Variants in ATP6V1C2 observed in about 807,000 individuals in gnomAD.
ATP6V1C2 encodes V-type proton ATPase subunit C 2.
Under a neutral mutation model 56.8 loss-of-function variants are expected in ATP6V1C2, and 45 were observed. The ratio of observed to expected loss-of-function variants is 0.79; its 90% CI spans 0.62 to 1.02. The LOEUF is 1.02. Ranked by LOEUF, ATP6V1C2 falls within the 50% of genes least tolerant of loss-of-function variation. The pLI is 0.00. For missense variants in ATP6V1C2, 463 were observed against 519.7 expected, an observed-to-expected ratio of 0.89 and a Z score of 1.06; for synonymous variants, 220 against 201.3, an observed-to-expected ratio of 1.09 and a Z score of -0.79.
intron 8 of ATP6V1C2, among the ~76,000 whole-genome samples, chr2:10,773,137 C>T (rs1156942324): frequency 6.6e-6 from 1 of 152,154 alleles, no homozygotes; most frequent in African/African-American, 2.4e-5. Flanking sequence ...GGATGCCAGG[C>T]CCTGTGTGTC....
At chr2:10,773,179 G>A (rs1664741636) in intron 8 of ATP6V1C2, among the ~76,000 whole-genome samples, 1 of 152,204 alleles carries the variant, frequency 6.6e-6, no homozygotes, top group Non-Finnish European at 1.5e-5. Flanking sequence ...CAGCTGCAGA[G>A]GAGCAGAGGG....
intron 4 of ATP6V1C2, among the ~76,000 whole-genome samples, chr2:10,754,430 T>C (rs1391785234): frequency 6.6e-6 from 1 of 152,038 alleles, no homozygotes; most frequent in Non-Finnish European, 1.5e-5. Context: ...TTCACCATGT[T>C]GGCCAGGCTG....
chr2:10,777,562 A>T (rs752496037), intron 10 of ATP6V1C2, 23 bp from the exon 11 acceptor site: 1 of 1,601,682 alleles, frequency 6.2e-7, no homozygotes, highest in Admixed American at 1.8e-5. Flanking sequence ...TGAAAGATTA[A>T]TAAATCATTT....
rs768432843 is a variant in ATP6V1C2, at chr2:10,778,576, C to A, written c.968C>A (p.Pro323His). ...ERESEGEGEGPLLRWLKVNFS... is the reference protein window; with the variant it reads ...ERESEGEGEGHLLRWLKVNFS... ...CTGGCTCTTCTGTCTTTGCAGGGCC[C>A]CCTGCTGCGCTGGCTCAAGGTGAAC... The change falls in exon 12 of 14, where the codon CCC becomes CAC. Residue 323 changes from proline (P) to histidine (H), a missense_variant. Transcript: ENST00000272238. 1 of 1,614,104 alleles carries A rather than the reference C, an allele frequency of 6.2e-7. No homozygotes were observed. Among genetic ancestry groups the A allele is most frequent in the South Asian group, 1.1e-5 (1 of 91,084 alleles).
intron 10 of ATP6V1C2, among the ~76,000 whole-genome samples, chr2:10,777,178 G>A (rs1023674414): frequency 2.0e-5 from 3 of 152,182 alleles, no homozygotes; most frequent in Non-Finnish European, 4.4e-5. Context: ...GGTGCCCCCC[G>A]AATGCCAGGA....
At position 10,777,568 on chromosome 2, in the gene ATP6V1C2, C is replaced by A. The variant is rs1447266055; in HGVS notation, c.826-17C>A. On this transcript the variant is annotated splice_polypyrimidine_tract_variant and intron_variant, in intron 10 of 13. Coordinates refer to ENST00000272238, the MANE Select transcript of ATP6V1C2 (RefSeq NM_001039362.2). ...CATGTTTGCTGAAAGATTAATAAAT[C>A]ATTTCTGTGCCTTTAGCAAACTTCC... The A allele has an allele frequency of 6.2e-7, 1 of 1,601,702 alleles. No individual in the cohort carries two copies. Among genetic ancestry groups the A allele is most frequent in the African/African-American group, 1.3e-5 (1 of 74,372 alleles).
rs796173526 is a variant in ATP6V1C2, at chr2:10,750,535, AAAAAAC to A, written c.198-3441_198-3436del. On this transcript the variant is annotated intron_variant, in intron 3 of 13. Coordinates refer to ENST00000272238, the MANE Select transcript of ATP6V1C2 (RefSeq NM_001039362.2). ...TGTCTCAAAAACGAAAAGCAAAAAA[AAAAAAC>A]AAAACAAAACCTTCACAGAGGCTAG... Among the ~76,000 whole-genome samples the A allele has an allele frequency of 4.6e-3, 698 of 151,956 alleles. 6 individuals carry two copies. Among genetic ancestry groups the A allele is most frequent in the African/African-American group, 0.016 (656 of 41,348 alleles).
intron 3 of ATP6V1C2, among the ~76,000 whole-genome samples, chr2:10,746,784 T>C (rs1662939576): frequency 6.6e-6 from 1 of 152,232 alleles, no homozygotes; most frequent in Non-Finnish European, 1.5e-5. Flanking sequence ...CATAAATTCA[T>C]GGAAATTGCA....
At chr2:10,771,220 C>A (rs887269055) in intron 6 of ATP6V1C2, among the ~76,000 whole-genome samples, 1 of 152,234 alleles carries the variant, frequency 6.6e-6, no homozygotes, top group African/African-American at 2.4e-5. Context: ...GTGCCGACGT[C>A]ACGGCCCCTG....
chr2:10,723,712 G>C (rs1023103452), intron 2 of ATP6V1C2, among the ~76,000 whole-genome samples: 11 of 151,614 alleles, frequency 7.3e-5, no homozygotes, highest in Admixed American at 2.6e-4. Context: ...GGTGGCGAGC[G>C]CCTGTAGTCC....
chr2:10,775,121 G>T (rs761917414), intron 10 of ATP6V1C2, 50 bp downstream of exon 10: 10 of 1,411,922 alleles, frequency 7.1e-6, no homozygotes, highest in Middle Eastern at 3.5e-4. Flanking sequence ...GAGGCCTGGG[G>T]ATAGAAGAGT....
intron 4 of ATP6V1C2, among the ~76,000 whole-genome samples, chr2:10,754,423 A>G (rs1050086132): frequency 1.3e-5 from 2 of 151,784 alleles, no homozygotes; most frequent in African/African-American, 4.8e-5. Context: ...ATGGAGTTTC[A>G]CCATGTTGGC....
At chr2:10,778,258 A>G (rs60908655) in intron 11 of ATP6V1C2, among the ~76,000 whole-genome samples, 16,514 of 152,216 alleles carry the variant, frequency 0.11, 2,764 homozygotes, top group African/African-American at 0.36. Context: ...CCCTGGCTGC[A>G]CAGTGTCAGG....
At chr2:10,764,517 G>A in intron 5 of ATP6V1C2, 92 bp downstream of exon 5, 1 of 1,080,784 alleles carries the variant, frequency 9.3e-7, no homozygotes, top group Non-Finnish European at 1.4e-6. Context: ...GCCTCAGCCT[G>A]TCCTGACTGG....
rs184203902 is a variant in ATP6V1C2 at position 10,749,652 on chromosome 2, G to A, written c.198-4329G>A. On this transcript the variant is annotated intron_variant, in intron 3 of 13. Coordinates refer to ENST00000272238, the MANE Select transcript of ATP6V1C2 (RefSeq NM_001039362.2). ...TAGTTTAGTCTTGCTTGTTAAAACT[G>A]TAAATGTTCATATTCTTAATTCCAG... Among the ~76,000 whole-genome samples the A allele has an allele frequency of 6.1e-4, 92 of 152,012 alleles. 1 individual carries two copies. The highest frequency in any genetic ancestry group is 5.1e-3 in the Admixed American group (78 of 15,282).
In ATP6V1C2 at chr2:10,778,585, G is replaced by C. The variant is rs772984402; in HGVS notation, c.977G>C (p.Arg326Pro). 1 of 1,614,152 alleles carries C rather than the reference G, an allele frequency of 6.2e-7. No homozygotes were observed. Among genetic ancestry groups the C allele is most frequent in the Non-Finnish European group, 8.5e-7 (1 of 1,180,004 alleles). Residue 326 changes from arginine to proline, a missense_variant, in exon 12 of 14, where the codon CGC (arginine) becomes CCC (proline). By Grantham distance (103) the Arg-to-Pro change is moderately radical (BLOSUM62 -2). Transcript: ENST00000272238. ...SEGEGEGPLL[R>P]WLKVNFSEAF... Reference sequence around the variant, plus strand: ...CTGTCTTTGCAGGGCCCCCTGCTGCGCTGGCTCAAGGTGAACTTCAGTGAA... The same window carrying C: ...CTGTCTTTGCAGGGCCCCCTGCTGCCCTGGCTCAAGGTGAACTTCAGTGAA...
chr2:10,758,537 G>T (rs1372652545), intron 4 of ATP6V1C2, among the ~76,000 whole-genome samples: 2 of 152,124 alleles, frequency 1.3e-5, no homozygotes, highest in Admixed American at 6.5e-5. Flanking sequence ...AGTGCCCTGT[G>T]GTTGTGCCTG....
chr2:10,777,756 G>A, intron 11 of ATP6V1C2, 34 bp downstream of exon 11: 1 of 1,583,902 alleles, frequency 6.3e-7, no homozygotes, highest in Non-Finnish European at 8.5e-7. Flanking sequence ...GGGGTCCCTG[G>A]CTCACATCTC....
intron 6 of ATP6V1C2, among the ~76,000 whole-genome samples, chr2:10,770,628 T>C (rs929615282): frequency 2.0e-5 from 3 of 152,254 alleles, no homozygotes; most frequent in Non-Finnish European, 4.4e-5. Flanking sequence ...GGTTGGGACT[T>C]GTGCAAACAT....
Sources: allele counts gnomAD v4.1 joint callset (sites outside exome capture counted in the v4.1 genomes callset), GRCh38; gene constraint gnomAD v4.1.1; transcripts MANE v1.5; gene names NCBI Gene and HGNC (gene_info 2026-07-23, HGNC 2026-07-21).